The following PPP1R1C variants were observed in gnomAD, a reference collection of about 807,000 sequenced individuals.
PPP1R1C encodes the protein protein phosphatase 1 regulatory subunit 1C.
PPP1R1C carries 15 observed loss-of-function variants against 17.4 expected under a neutral mutation model. The observed-to-expected ratio is 0.86, with a 90% CI of 0.58 to 1.33. The LOEUF (loss-of-function observed/expected upper bound fraction) is 1.33. PPP1R1C is among the 40% of genes most tolerant of loss of function. The pLI is 0.00. For synonymous variants in PPP1R1C, 35 were observed against 43.1 expected, an observed-to-expected ratio of 0.81 and a Z score of 0.73; for missense variants, 143 against 130.0, an observed-to-expected ratio of 1.10 and a Z score of -0.48.
intron 2 of PPP1R1C, among the ~76,000 whole-genome samples, chr2:182,026,600 T>G (rs904682347): frequency 7.9e-5 from 12 of 151,982 alleles, no homozygotes; most frequent in African/African-American, 2.9e-4. Flanking sequence ...CCATGCTGTT[T>G]TGGTTACTGT....
intron 2 of PPP1R1C, among the ~76,000 whole-genome samples, chr2:182,039,035 C>T (rs906078455): frequency 3.9e-5 from 6 of 152,120 alleles, no homozygotes; most frequent in East Asian, 1.9e-4. Context: ...GCTTTGAGTA[C>T]GAGTTTGGAG....
chr2:182,021,327 T>C (rs397873202), intron 2 of PPP1R1C, among the ~76,000 whole-genome samples: 16,286 of 117,156 alleles, frequency 0.14, 2,201 homozygotes, highest in Non-Finnish European at 0.2. Context: ...CTCTCTTTTT[T>C]TTTTTTTTTT....
chr2:182,111,934 C>A (rs1175214914), intron 4 of PPP1R1C, among the ~76,000 whole-genome samples: 1 of 152,056 alleles, frequency 6.6e-6, no homozygotes, highest in African/African-American at 2.4e-5. Flanking sequence ...TTGCGATAGG[C>A]ACCAGGTTTG....
intron 4 of PPP1R1C, among the ~76,000 whole-genome samples, chr2:182,106,702 T>C (rs12996982): frequency 0.015 from 2,334 of 152,284 alleles, 31 homozygotes; most frequent in South Asian, 0.041. Context: ...TGGGGCCTAA[T>C]TGAGCTGATT....
chr2:181,993,844 C>T (rs1459846076), intron 2 of PPP1R1C, among the ~76,000 whole-genome samples: 2 of 151,846 alleles, frequency 1.3e-5, no homozygotes, highest in African/African-American at 4.8e-5. Context: ...TTGATAGTGA[C>T]AAGGCTTGCT....
intron 2 of PPP1R1C, among the ~76,000 whole-genome samples, chr2:182,019,962 T>C (rs1686368873): frequency 6.6e-6 from 1 of 152,250 alleles, no homozygotes; most frequent in Admixed American, 6.5e-5. Context: ...ACATCAGATA[T>C]ACTAAATAAA....
chr2:182,065,584 C>T (rs1449509795), intron 4 of PPP1R1C, among the ~76,000 whole-genome samples: 1 of 151,916 alleles, frequency 6.6e-6, no homozygotes, highest in African/African-American at 2.4e-5. Context: ...CTGAGGGCAC[C>T]ATGGTACATG....
At chr2:182,024,377 A>G (rs1686526367) in intron 2 of PPP1R1C, among the ~76,000 whole-genome samples, 1 of 152,208 alleles carries the variant, frequency 6.6e-6, no homozygotes, top group African/African-American at 2.4e-5. Context: ...GGACAAATTA[A>G]AGTACTAATT....
chr2:182,001,127 C>A (rs548336896), intron 2 of PPP1R1C, among the ~76,000 whole-genome samples: 2 of 152,168 alleles, frequency 1.3e-5, no homozygotes, highest in South Asian at 4.2e-4. Context: ...TTTAAAGTGG[C>A]CTTTGAAGCA....
downstream of PPP1R1C, chr2:182,130,293 A>G (rs560062155): frequency 1.7e-4 from 26 of 152,276 alleles, no homozygotes; most frequent in African/African-American, 5.5e-4. Flanking sequence ...CAAAGAAATA[A>G]AATATGAAAA....
At chr2:181,989,235 C>G (rs1265578616) in intron 2 of PPP1R1C, among the ~76,000 whole-genome samples, 1 of 152,130 alleles carries the variant, frequency 6.6e-6, no homozygotes, top group Non-Finnish European at 1.5e-5. Flanking sequence ...TTTCAGAGGT[C>G]TATAGGCATC....
intron 4 of PPP1R1C, among the ~76,000 whole-genome samples, chr2:182,097,971 G>GT (rs1476691341): frequency 2.0e-5 from 3 of 152,042 alleles, no homozygotes; most frequent in Non-Finnish European, 2.9e-5. Flanking sequence ...TCAAACAGAT[G>GT]TTTTTTTCTT....
intron 4 of PPP1R1C, among the ~76,000 whole-genome samples, chr2:182,109,911 A>T (rs1029007426): frequency 2.0e-5 from 3 of 152,206 alleles, no homozygotes; most frequent in Non-Finnish European, 4.4e-5. Flanking sequence ...TTTGTGCTCC[A>T]TAAAAAGCAT....
intron 4 of PPP1R1C, among the ~76,000 whole-genome samples, chr2:182,097,486 C>A (rs1240819632): frequency 6.6e-6 from 1 of 152,174 alleles, no homozygotes; most frequent in African/African-American, 2.4e-5. Flanking sequence ...ACATACACAC[C>A]AGTTCTAAGT....
intron 1 of PPP1R1C, among the ~76,000 whole-genome samples, chr2:181,958,668 G>C (rs1684710064): frequency 6.6e-6 from 1 of 152,110 alleles, no homozygotes; most frequent in Admixed American, 6.5e-5. Flanking sequence ...CCCTTGAAAA[G>C]GTAATCAGTA....
At chr2:182,075,595 C>A (rs1324011281) in intron 4 of PPP1R1C, among the ~76,000 whole-genome samples, 1 of 152,196 alleles carries the variant, frequency 6.6e-6, no homozygotes, top group East Asian at 1.9e-4. Flanking sequence ...CACACCATCA[C>A]TGCGTAGGAC....
chr2:182,073,142 G>A (rs180872104), intron 4 of PPP1R1C, among the ~76,000 whole-genome samples: 11 of 151,960 alleles, frequency 7.2e-5, no homozygotes, highest in African/African-American at 1.9e-4. Context: ...TTCTTCGTCC[G>A]CCTTCCTGCC....
intron 2 of PPP1R1C, chr2:182,030,922 GT>G: frequency 6.4e-6 from 1 of 156,956 alleles, no homozygotes; most frequent in Non-Finnish European, 1.4e-5. Flanking sequence ...GTGGTGCGCC[GT>G]TTTTTAAGCC....
chr2:182,037,798 T>C (rs1341942711), intron 2 of PPP1R1C, among the ~76,000 whole-genome samples: 1 of 152,108 alleles, frequency 6.6e-6, no homozygotes, highest in Non-Finnish European at 1.5e-5. Flanking sequence ...CTCAGTAACC[T>C]AAAATGTCAT....
Sources: allele counts gnomAD v4.1 joint callset (sites outside exome capture counted in the v4.1 genomes callset), GRCh38; gene constraint gnomAD v4.1.1; transcripts MANE v1.5; gene names NCBI Gene and HGNC (gene_info 2026-07-23, HGNC 2026-07-21).